NTAQ1: variants seen among roughly 807,000 people sequenced by gnomAD.
The protein encoded by NTAQ1 is protein N-terminal glutamine amidohydrolase.
In NTAQ1, 21 loss-of-function variants were observed where a neutral mutation model predicts 28.2. That is an observed-to-expected ratio of 0.74 (90% CI 0.53 to 1.07). NTAQ1 has a LOEUF of 1.07. Ranked by LOEUF, NTAQ1 falls within the 50% of genes least tolerant of loss-of-function variation. NTAQ1 has a pLI of 0.00. For synonymous variants in NTAQ1, 105 were observed against 90.0 expected (o/e 1.17, Z -0.94); for missense variants, 264 against 256.6 (o/e 1.03, Z -0.20).
chr8:123,424,681 A>G (rs1813934821), intron 1 of NTAQ1, among the ~76,000 whole-genome samples: 1 of 152,202 alleles, frequency 6.6e-6, no homozygotes, highest in African/African-American at 2.4e-5. Context: ...CCTGGATTAC[A>G]GGCATGAACC....
chr8:123,467,034 C>T (rs1815974599), intron 6 of NTAQ1: 1 of 151,178 alleles, frequency 6.6e-6, no homozygotes, highest in African/African-American at 2.4e-5. Flanking sequence ...AAACATATTC[C>T]AAATTGCTTT....
intron 4 of NTAQ1, among the ~76,000 whole-genome samples, chr8:123,436,904 C>T (rs1007336334): frequency 6.6e-6 from 1 of 152,184 alleles, no homozygotes; most frequent in African/African-American, 2.4e-5. Context: ...GGGGATACCT[C>T]GTGCTGTCAC....
intron 2 of NTAQ1, 131 bp downstream of exon 2, chr8:123,428,154 A>AC: frequency 1.7e-6 from 1 of 596,266 alleles, no homozygotes; most frequent in Non-Finnish European, 2.8e-6. Flanking sequence ...TAAATACAGC[A>AC]ACATTTAAAA....
At chr8:123,470,263 G>A (rs1194101557), downstream of NTAQ1, among the ~76,000 whole-genome samples, 1 of 152,150 alleles carries the variant, frequency 6.6e-6, no homozygotes, top group Non-Finnish European at 1.5e-5. Context: ...TATGGCAGCC[G>A]AAACAGACTA....
chr8:123,468,744 T>C (rs1045429635), exon 7 of NTAQ1, among the ~76,000 whole-genome samples: 2 of 152,240 alleles, frequency 1.3e-5, no homozygotes, highest in Non-Finnish European at 2.9e-5. Flanking sequence ...GCTGGTCATA[T>C]AGTTGCTGGT....
In NTAQ1 at chr8:123,441,345, C is replaced by T. The variant is rs1378758033; in HGVS notation, c.548C>T (p.Pro183Leu). Residue 183 changes from proline to leucine, a missense_variant, in exon 6 of 6, where the codon CCC becomes CTC. Coordinates refer to ENST00000287387, the MANE Select transcript of NTAQ1 (RefSeq NM_018024.3). ...CTGAACGATTTCATCAGTATGGATCCCAAGGTAGGATGGGGCGCCGTCTAC... is the reference window on the plus strand; with the variant it reads ...CTGAACGATTTCATCAGTATGGATCTCAAGGTAGGATGGGGCGCCGTCTAC... ...MNLNDFISMD[P>L]KVGWGAVYTL... The T allele has an allele frequency of 1.2e-6, 2 of 1,611,996 alleles. No individual in the cohort carries two copies. Among genetic ancestry groups the T allele is most frequent in the South Asian group, 1.1e-5 (1 of 90,798 alleles).
intron 1 of NTAQ1, among the ~76,000 whole-genome samples, chr8:123,421,820 C>T (rs1253443064): frequency 6.6e-6 from 1 of 151,196 alleles, no homozygotes; most frequent in Non-Finnish European, 1.5e-5. Flanking sequence ...TCCCGAGTAG[C>T]TGGGGCTGCA....
At chr8:123,448,512 C>T (rs1225709904), downstream of NTAQ1, among the ~76,000 whole-genome samples, 1 of 152,164 alleles carries the variant, frequency 6.6e-6, no homozygotes, top group African/African-American at 2.4e-5. Flanking sequence ...ACTCGGGAGG[C>T]TTGAGTATCA....
chr8:123,455,664 A>G (rs537780369), intron 6 of NTAQ1, among the ~76,000 whole-genome samples: 4 of 151,980 alleles, frequency 2.6e-5, no homozygotes, highest in Admixed American at 6.6e-5. Context: ...AGCTCAGGCA[A>G]TCCACCCTCC....
At chr8:123,430,091 C>A in intron 3 of NTAQ1, 58 bp downstream of exon 3, 1 of 1,406,168 alleles carries the variant, frequency 7.1e-7, no homozygotes, top group Non-Finnish European at 9.9e-7. Flanking sequence ...CCTTAGTGTT[C>A]TGTATGTTTT....
chr8:123,437,413 A>T (rs1814785899), intron 5 of NTAQ1, 79 bp downstream of exon 5: 16 of 1,571,280 alleles, frequency 1.0e-5, no homozygotes, highest in Non-Finnish European at 1.3e-5. Context: ...GGAGGACAAA[A>T]GTCAGGTTGT....
intron 5 of NTAQ1, among the ~76,000 whole-genome samples, chr8:123,437,982 A>G (rs992958964): frequency 1.3e-5 from 2 of 152,150 alleles, no homozygotes; most frequent in African/African-American, 4.8e-5. Context: ...GCACCTTGCC[A>G]TGGTAGGGTT....
intron 1 of NTAQ1, among the ~76,000 whole-genome samples, chr8:123,422,282 GT>G (rs35588966): frequency 1.2e-4 from 18 of 145,378 alleles, no homozygotes; most frequent in South Asian, 2.2e-4. Flanking sequence ...TTTGTTTTGG[GT>G]TTTTTTTTTT....
At chr8:123,436,319 C>T in intron 3 of NTAQ1, 134 bp from the exon 4 acceptor site, 1 of 701,206 alleles carries the variant, frequency 1.4e-6, no homozygotes, top group Non-Finnish European at 2.2e-6. Context: ...GTTGTGTTTG[C>T]TTTATTCTAT....
downstream of NTAQ1, among the ~76,000 whole-genome samples, chr8:123,445,228 A>G (rs1815228973): frequency 6.6e-6 from 1 of 152,058 alleles, no homozygotes; most frequent in South Asian, 2.1e-4. Flanking sequence ...GGAATTTTCT[A>G]TGTAAACATA....
intron 3 of NTAQ1, among the ~76,000 whole-genome samples, chr8:123,436,158 A>G (rs1314769667): frequency 7.0e-6 from 1 of 142,700 alleles, no homozygotes; most frequent in Non-Finnish European, 1.5e-5. Context: ...GACGAGAGTA[A>G]GACTCCATCT....
intron 1 of NTAQ1, among the ~76,000 whole-genome samples, chr8:123,418,421 C>G (rs928003435): frequency 6.9e-6 from 1 of 145,456 alleles, no homozygotes; most frequent in Non-Finnish European, 1.5e-5. Context: ...CCCTTCCTGC[C>G]TGGGCAACAG....
rs1814725684 is a variant in NTAQ1 at position 123,436,539 on chromosome 8, CTT to C, written c.323_324del (p.Phe108Ter). On this transcript the variant is annotated frameshift_variant, in exon 4 of 6. Coordinates refer to ENST00000287387, the MANE Select transcript of NTAQ1 (RefSeq NM_018024.3). LOFTEE classifies it high-confidence loss of function. ...ATACTGTCTTGCCATTTCCCTGCCTCTTTGACACTTATGTAGAAGATGCCTTT... is the reference window on the plus strand; with the variant it reads ...ATACTGTCTTGCCATTTCCCTGCCTCTGACACTTATGTAGAAGATGCCTTT... ...LDTVLPFPCLFDTYVEDAFKS... is the reference protein window; with the variant it reads ...LDTVLPFPCLXDTYVEDAFKS... 1.2e-6 allele frequency: 2 copies of C among 1,614,020 alleles called. No homozygotes were observed. The highest frequency in any genetic ancestry group is 4.5e-5 in the East Asian group (2 of 44,862).
At chr8:123,467,635 T>G (rs1330733991) in exon 7 of NTAQ1, among the ~76,000 whole-genome samples, 1 of 152,202 alleles carries the variant, frequency 6.6e-6, no homozygotes, top group Non-Finnish European at 1.5e-5. Context: ...AGAGGGTTCC[T>G]TGGAGCAGTT....
Sources: allele counts gnomAD v4.1 joint callset (sites outside exome capture counted in the v4.1 genomes callset), GRCh38; gene constraint gnomAD v4.1.1; transcripts MANE v1.5; gene names NCBI Gene and HGNC (gene_info 2026-07-23, HGNC 2026-07-21).